ST6GAL1: variants seen among roughly 807,000 people sequenced by gnomAD.
ST6GAL1 encodes beta-galactoside alpha-2,6-sialyltransferase 1.
ST6GAL1 carries 20 observed loss-of-function variants against 38.0 expected under a neutral mutation model. That is an observed-to-expected ratio of 0.53 (90% confidence interval 0.37 to 0.77). ST6GAL1 has a LOEUF of 0.77. Among genes scored for constraint, ST6GAL1 ranks in the 30% least tolerant of loss-of-function variants. The probability of loss-of-function intolerance (pLI) is 0.00; values close to 1 mark genes in which losing one functional copy is unlikely to be tolerated. For synonymous variants in ST6GAL1, 196 were observed against 188.2 expected, an observed-to-expected ratio of 1.04 and a Z score of -0.34; for missense variants, 432 against 496.4, an observed-to-expected ratio of 0.87 and a Z score of 1.23.
At chr3:186,984,189 C>T (rs1472979581) in intron 2 of ST6GAL1, among the ~76,000 whole-genome samples, 4 of 152,206 alleles carry the variant, frequency 2.6e-5, no homozygotes, top group African/African-American at 7.2e-5. Context: ...TTTCAAAGCA[C>T]GTCTAAAATA....
intron 2 of ST6GAL1, among the ~76,000 whole-genome samples, chr3:186,965,352 C>T (rs1715069404): frequency 6.6e-6 from 1 of 152,158 alleles, no homozygotes; most frequent in Admixed American, 6.5e-5. Flanking sequence ...GCAACAAAAG[C>T]CTCTTTCTTC....
chr3:186,990,834 A>C (rs1716142613), intron 2 of ST6GAL1, among the ~76,000 whole-genome samples: 1 of 150,684 alleles, frequency 6.6e-6, no homozygotes, highest in African/African-American at 2.4e-5. Context: ...AAAAAAAAGG[A>C]TATAAACCAG....
In ST6GAL1 at chr3:187,051,307, T is replaced by C; in HGVS notation, c.666T>C (p.Asp222=). The C allele has an allele frequency of 6.2e-7, 1 of 1,614,192 alleles. No individual in the cohort carries two copies. Among genetic ancestry groups the C allele is most frequent in the South Asian group, 1.1e-5 (1 of 91,084 alleles). Reference sequence around the variant, plus strand: ...CACCCACAGCCAACTTCCAACAAGATGTGGGCACAAAAACTACCATTCGCC... The same window carrying C: ...CACCCACAGCCAACTTCCAACAAGACGTGGGCACAAAAACTACCATTCGCC... The part of the protein sequence containing the change: ...NGAPTANFQQ[D]VGTKTTIRLM... Residue 222 remains aspartate (D), a synonymous_variant, in exon 5 of 8, where the codon GAT becomes GAC. Coordinates refer to ENST00000169298, the MANE Select transcript of ST6GAL1 (RefSeq NM_173216.2).
Position 187,075,888 on chromosome 3 carries a change from A to T in ST6GAL1, c.*85A>T. 6.4e-7 allele frequency: 1 copy of T among 1,564,556 alleles called. No individual in the cohort carries two copies. Reference sequence around the variant, plus strand: ...GCCTGGGAAGAACATTTTCCTGAACAATTCCAGCCTGCTCCTTTTACTCTA... The same window carrying T: ...GCCTGGGAAGAACATTTTCCTGAACTATTCCAGCCTGCTCCTTTTACTCTA... On this transcript the variant is annotated 3_prime_UTR_variant, in exon 8 of 8. Transcript: ENST00000169298. The surrounding 1 kb of genome is among the most constrained non-coding windows in gnomAD (Gnocchi z 4.1).
intron 2 of ST6GAL1, among the ~76,000 whole-genome samples, chr3:187,036,933 C>T (rs936249054): frequency 1.4e-4 from 21 of 152,228 alleles, no homozygotes; most frequent in African/African-American, 4.1e-4. Context: ...TCTTTGTGTG[C>T]GTATTGCTTT....
chr3:186,951,211 G>A (rs7626483), intron 1 of ST6GAL1, among the ~76,000 whole-genome samples: 139,709 of 152,180 alleles, frequency 0.92, 64,227 homozygotes, highest in Middle Eastern at 0.96. Context: ...ACCTGCCAAC[G>A]TGACCCGCTC....
At chr3:186,971,131 C>T (rs1715333286) in intron 2 of ST6GAL1, among the ~76,000 whole-genome samples, 1 of 152,254 alleles carries the variant, frequency 6.6e-6, no homozygotes. Flanking sequence ...TCTTGTCACC[C>T]AGCCTGGAGT....
intron 1 of ST6GAL1, among the ~76,000 whole-genome samples, chr3:186,953,903 G>C (rs1329042969): frequency 6.6e-6 from 1 of 151,510 alleles, no homozygotes; most frequent in African/African-American, 2.4e-5. Flanking sequence ...ATGTGCCATG[G>C]TGGTTTGCTG....
At position 187,075,501 on chromosome 3, in the gene ST6GAL1, C is replaced by A; in HGVS notation, c.980-61C>A. ...GTCATGAGCTGCTGAACCCACTGGG[C>A]AGAGCTCTGGGGTGCTGGGGTGGGT... On this transcript the variant is annotated intron_variant, in intron 7 of 7. Transcript: ENST00000169298. The surrounding 1 kb of genome is among the most constrained non-coding windows in gnomAD (Gnocchi z 4.1). 1 of 1,591,848 alleles carries A rather than the reference C, an allele frequency of 6.3e-7. No homozygotes were observed. Among genetic ancestry groups the A allele is most frequent in the Non-Finnish European group, 8.6e-7 (1 of 1,166,096 alleles).
intron 1 of ST6GAL1, among the ~76,000 whole-genome samples, chr3:186,939,828 A>T (rs932684890): frequency 6.6e-6 from 1 of 151,974 alleles, no homozygotes; most frequent in Non-Finnish European, 1.5e-5. Flanking sequence ...CCCCTCTGTT[A>T]GTTAGCCCCT....
At chr3:187,011,608 A>G (rs1269483231) in intron 2 of ST6GAL1, among the ~76,000 whole-genome samples, 1 of 152,252 alleles carries the variant, frequency 6.6e-6, no homozygotes, top group East Asian at 1.9e-4. Context: ...CAAGGAGCTC[A>G]GAGCTGGGTT....
At chr3:186,995,538 T>TAAAG in intron 2 of ST6GAL1, among the ~76,000 whole-genome samples, 3 of 130,372 alleles carry the variant, frequency 2.3e-5, no homozygotes, top group African/African-American at 8.9e-5. Flanking sequence ...AAAAAAAAAA[T>TAAAG]AAAGAAATTG....
At chr3:186,940,220 C>G (rs1337707797) in intron 1 of ST6GAL1, among the ~76,000 whole-genome samples, 3 of 152,126 alleles carry the variant, frequency 2.0e-5, no homozygotes, top group Non-Finnish European at 4.4e-5. Context: ...CCTTCCAGCT[C>G]TGAGATTATC....
chr3:187,074,325 G>A lies in ST6GAL1; in HGVS notation c.971G>A (p.Gly324Glu). The A allele has an allele frequency of 6.3e-7, 1 of 1,587,494 alleles. No homozygotes were observed. The highest frequency in any genetic ancestry group is 8.6e-7 in the Non-Finnish European group (1 of 1,169,190). The change falls in exon 7 of 8, where the codon GGG becomes GAG. Residue 324 changes from glycine to glutamate, a missense_variant. Coordinates refer to ENST00000169298, the MANE Select transcript of ST6GAL1 (RefSeq NM_173216.2). ...ATTCAGCCAAACCCCCCATCCTCTG[G>A]GATGCTTGGTGAGTTCATGTCGGGG... is the stretch of plus-strand genomic sequence containing the variant. ...EEIQPNPPSS[G>E]MLGIIIMMTL... is the part of the protein sequence containing the mutation.
At chr3:187,055,295 C>T (rs1169972967) in intron 5 of ST6GAL1, among the ~76,000 whole-genome samples, 2 of 149,818 alleles carry the variant, frequency 1.3e-5, no homozygotes, top group Non-Finnish European at 3.0e-5. Context: ...TTTTTTGTGT[C>T]TCTATCTCCT....
chr3:187,055,040 C>T (rs1289055631), intron 5 of ST6GAL1, among the ~76,000 whole-genome samples: 4 of 152,064 alleles, frequency 2.6e-5, no homozygotes, highest in Non-Finnish European at 5.9e-5. Flanking sequence ...GTGTATGTGT[C>T]CAGGAATTTA....
At chr3:186,964,209 G>C (rs937367886) in intron 2 of ST6GAL1, 4 of 152,162 alleles carry the variant, frequency 2.6e-5, no homozygotes, top group Admixed American at 2.6e-4. Context: ...CTCCAGGTAA[G>C]ACTGCACCGG....
chr3:187,031,376 G>C (rs1717744741), intron 2 of ST6GAL1, among the ~76,000 whole-genome samples: 1 of 152,126 alleles, frequency 6.6e-6, no homozygotes, highest in South Asian at 2.1e-4. Context: ...TGTAAAAATG[G>C]GGGTAGTAAT....
intron 2 of ST6GAL1, among the ~76,000 whole-genome samples, chr3:186,968,266 T>G (rs899231825): frequency 6.6e-6 from 1 of 152,292 alleles, no homozygotes; most frequent in African/African-American, 2.4e-5. Flanking sequence ...AATACCTACC[T>G]TGAGTGAAGA....
Sources: gnomAD v4.1 joint callset for allele counts (sites outside exome capture counted in the v4.1 genomes callset) on GRCh38, gnomAD v4.1.1 for gene constraint, Gnocchi (gnomAD v3.1) non-coding constraint, MANE v1.5 for transcripts, NCBI Gene and HGNC (gene_info 2026-07-23, HGNC 2026-07-21) for gene names.